Variants in ALDH5A1 observed in about 807,000 individuals in gnomAD.
ALDH5A1 encodes succinate-semialdehyde dehydrogenase, mitochondrial.
Under a neutral mutation model 54.7 loss-of-function variants are expected in ALDH5A1, and 33 were observed. The ratio of observed to expected loss-of-function variants is 0.60; its 90% CI spans 0.46 to 0.81. The LOEUF (loss-of-function observed/expected upper bound fraction) is 0.81, where lower values mean the gene tolerates loss of function less well. Ranked by LOEUF, ALDH5A1 falls within the 30% of genes least tolerant of loss-of-function variation. The probability of loss-of-function intolerance (pLI) is 0.00; values close to 1 mark genes in which losing one functional copy is unlikely to be tolerated. For missense variants in ALDH5A1, 657 were observed against 711.0 expected, an observed-to-expected ratio of 0.92 and a Z score of 0.86; for synonymous variants, 294 against 292.7, an observed-to-expected ratio of 1.00 and a Z score of -0.05.
chr6:24,502,472 G>A (rs777521787), intron 1 of ALDH5A1, 51 bp from the exon 2 acceptor site: 2 of 1,323,660 alleles, frequency 1.5e-6, no homozygotes, highest in East Asian at 2.3e-5. Context: ...TTAGCATTCT[G>A]TCTTACACTT....
At chr6:24,532,560 G>C (rs1644374284) in intron 9 of ALDH5A1, among the ~76,000 whole-genome samples, 1 of 152,180 alleles carries the variant, frequency 6.6e-6, no homozygotes, top group African/African-American at 2.4e-5. Flanking sequence ...AAGGGCATCA[G>C]CAAGGAGTGT....
intron 1 of ALDH5A1, among the ~76,000 whole-genome samples, chr6:24,496,244 G>C (rs527938394): frequency 6.6e-6 from 1 of 152,148 alleles, no homozygotes; most frequent in Non-Finnish European, 1.5e-5. Flanking sequence ...AACGAAAGAA[G>C]GATTCTGCCC....
chr6:24,515,194 G>T lies in ALDH5A1; in HGVS notation c.754G>T (p.Gly252Cys). The T allele has an allele frequency of 6.2e-7, 1 of 1,608,804 alleles. No individual in the cohort carries two copies. The highest frequency in any genetic ancestry group is 1.1e-5 in the South Asian group (1 of 90,978). Residue 252 changes from glycine (G) to cysteine (C), a missense_variant, in exon 5 of 10, where the codon GGT (glycine) becomes TGT (cysteine). By Grantham distance (159) the Gly-to-Cys change is radical (BLOSUM62 -3). Around this residue, in one of 2 missense-constraint regions of ALDH5A1, gnomAD observed 425 missense variants for 516.4 expected, o/e 0.82. Transcript: ENST00000357578. ...ELASQAGIPSGVYNVIPCSRK... is the reference protein window; with the variant it reads ...ELASQAGIPSCVYNVIPCSRK... Reference sequence around the variant, plus strand: ...TGCAAGCCAGGCTGGGATTCCTTCAGGTGTATACAATGTTATTCCCTGTTC... The same window carrying T: ...TGCAAGCCAGGCTGGGATTCCTTCATGTGTATACAATGTTATTCCCTGTTC...
At chr6:24,523,693 G>A (rs191693880) in intron 7 of ALDH5A1, among the ~76,000 whole-genome samples, 4 of 152,246 alleles carry the variant, frequency 2.6e-5, no homozygotes, top group South Asian at 2.1e-4. Flanking sequence ...TTTGCGTTTC[G>A]GCTGTAATGC....
At chr6:24,497,123 T>C (rs1251341428) in intron 1 of ALDH5A1, among the ~76,000 whole-genome samples, 1 of 152,184 alleles carries the variant, frequency 6.6e-6, no homozygotes, top group Non-Finnish European at 1.5e-5. Context: ...GCAACATTTA[T>C]TGTGAAGAGC....
chr6:24,523,133 A>G (rs1759735289), intron 7 of ALDH5A1, among the ~76,000 whole-genome samples: 1 of 152,164 alleles, frequency 6.6e-6, no homozygotes. Context: ...ATTTTCAAAT[A>G]GCTATTATTA....
Position 24,504,937 on chromosome 6 carries a change from G to C in ALDH5A1, c.678G>C (p.Val226=), listed in dbSNP as rs113591366. ...CCCTGGCAGCCGGCTGTACTGTCGT[G>C]GTGAAGCCTGCCGAAGACACGCCCT... is the stretch of plus-strand genomic sequence containing the variant. ...GAALAAGCTV[V]VKPAEDTPFS... The change falls in exon 4 of 10, where the codon GTG becomes GTC. Residue 226 remains valine, a synonymous_variant. Transcript: ENST00000357578. 1.3e-3 allele frequency: 2,155 copies of C among 1,614,234 alleles called. 18 individuals carry two copies. The African/African-American group carries it at 0.024, about 18-fold the overall frequency.
intron 4 of ALDH5A1, among the ~76,000 whole-genome samples, chr6:24,513,303 A>T (rs1033371068): frequency 2.6e-5 from 4 of 151,998 alleles, no homozygotes; most frequent in African/African-American, 9.7e-5. Flanking sequence ...GGGCTCAAGC[A>T]GTCCTCCCAC....
At position 24,518,366 on chromosome 6, in the gene ALDH5A1, G is replaced by A. The variant is rs755729182; in HGVS notation, c.871-2035G>A. 3.9e-5 allele frequency among the ~76,000 whole-genome samples: 6 copies of A among 152,140 alleles called. No homozygotes were observed. The highest frequency in any genetic ancestry group is 6.5e-5 in the Admixed American group (1 of 15,284). On this transcript the variant is annotated intron_variant, in intron 5 of 9. Coordinates refer to ENST00000357578, the MANE Select transcript of ALDH5A1 (RefSeq NM_001080.3). This position sits in a 1 kb window ranked among gnomAD's most constrained non-coding sequence, Gnocchi z 4.2. The stretch of plus-strand genomic sequence containing the variant: ...CTATACCCAGTGGCCAGGGCAAGCC[G>A]CCTTCCTGGAGAAGCAGAGACTGAG...
chr6:24,499,976 CTG>C (rs111245798), intron 1 of ALDH5A1, among the ~76,000 whole-genome samples: 1 of 151,148 alleles, frequency 6.6e-6, no homozygotes, highest in Non-Finnish European at 1.5e-5. Context: ...CAGATAATTT[CTG>C]TGTGTGTGTG....
chr6:24,520,427 T>C lies in ALDH5A1; in HGVS notation c.897T>C (p.Ser299=), dbSNP rs533586467. 6 of 1,614,186 alleles carry C rather than the reference T, an allele frequency of 3.7e-6. No individual in the cohort carries two copies. The highest frequency in any genetic ancestry group is 1.3e-5 in the African/African-American group (1 of 75,044). ...GKILLHHAAN[S]VKRVSMELGG... ...TCCTGTTGCACCACGCAGCAAACTC[T>C]GTGAAAAGGGTCTCTATGGAGCTGG... The change falls in exon 6 of 10, where the codon TCT becomes TCC. Residue 299 remains serine, a synonymous_variant. Coordinates refer to ENST00000357578, the MANE Select transcript of ALDH5A1 (RefSeq NM_001080.3).
chr6:24,514,382 C>T (rs888491337), intron 4 of ALDH5A1, among the ~76,000 whole-genome samples: 13 of 152,170 alleles, frequency 8.5e-5, no homozygotes, highest in African/African-American at 2.7e-4. Context: ...TGATTTTTCT[C>T]AGGGCAGAAA....
chr6:24,508,149 G>C (rs1759392343), intron 4 of ALDH5A1, among the ~76,000 whole-genome samples: 1 of 151,888 alleles, frequency 6.6e-6, no homozygotes, highest in African/African-American at 2.4e-5. Flanking sequence ...CAGATCACAA[G>C]CTCAAGAGAT....
intron 4 of ALDH5A1, among the ~76,000 whole-genome samples, chr6:24,510,381 T>TCTAGTGCTGTCAATA (rs1210091438): frequency 1.6e-3 from 242 of 152,324 alleles, no homozygotes; most frequent in African/African-American, 5.4e-3. Flanking sequence ...TGATGACCTG[T>TCTAGTGCTGTCAATA]CTAGTGCTGT....
chr6:24,520,103 T>C (rs1759650280), intron 5 of ALDH5A1, among the ~76,000 whole-genome samples: 1 of 152,086 alleles, frequency 6.6e-6, no homozygotes, highest in African/African-American at 2.4e-5. Flanking sequence ...GGAGTCTCCC[T>C]ATGCTGCCCA....
intron 4 of ALDH5A1, among the ~76,000 whole-genome samples, chr6:24,512,470 T>C (rs975557394): frequency 2.0e-5 from 3 of 152,256 alleles, no homozygotes; most frequent in Non-Finnish European, 2.9e-5. Flanking sequence ...TGTTTGTTCA[T>C]GCTTGTGTTC....
At chr6:24,527,717 G>C (rs958584082) in intron 7 of ALDH5A1, among the ~76,000 whole-genome samples, 1 of 152,194 alleles carries the variant, frequency 6.6e-6, no homozygotes, top group African/African-American at 2.4e-5. Context: ...GCAAACGGCT[G>C]AGCCGCAGGC....
At chr6:24,522,478 CGTGT>C (rs5874989) in intron 6 of ALDH5A1, among the ~76,000 whole-genome samples, 9 of 134,484 alleles carry the variant, frequency 6.7e-5, no homozygotes, top group Non-Finnish European at 8.2e-5. Context: ...TCTTTTCTTT[CGTGT>C]GTGTGTGTGT....
intron 6 of ALDH5A1, 105 bp downstream of exon 6, chr6:24,520,649 CGTGT>C (rs1044029896): frequency 6.3e-6 from 8 of 1,276,908 alleles, no homozygotes; most frequent in African/African-American, 6.0e-5. Context: ...TGTGTGTGTG[CGTGT>C]GTGTGTGTTA....
Sources: allele counts gnomAD v4.1 joint callset (sites outside exome capture counted in the v4.1 genomes callset), GRCh38; gene constraint gnomAD v4.1.1; regional missense constraint gnomAD v4.1.1; non-coding constraint Gnocchi (gnomAD v3.1); transcripts MANE v1.5; gene names NCBI Gene and HGNC (gene_info 2026-07-23, HGNC 2026-07-21).